Variants in PGS1 observed in about 807,000 individuals in gnomAD.
PGS1 encodes phosphatidylglycerophosphate synthase 1.
In PGS1, 44 loss-of-function variants were observed where a neutral mutation model predicts 58.3. The observed-to-expected ratio is 0.75, with a 90% CI of 0.59 to 0.97. The LOEUF (loss-of-function observed/expected upper bound fraction) is 0.97, where lower values mean the gene tolerates loss of function less well. PGS1 is among the 50% of genes least tolerant of loss of function. The pLI is 0.00. For missense variants in PGS1, 684 were observed against 731.1 expected, an observed-to-expected ratio of 0.94 and a Z score of 0.74; for synonymous variants, 330 against 311.0, an observed-to-expected ratio of 1.06 and a Z score of -0.64.
chr17:78,421,012 G>A (rs551482083), intron 9 of PGS1: 1 of 152,182 alleles, frequency 6.6e-6, no homozygotes, highest in African/African-American at 2.4e-5. Context: ...TAATTTTTTC[G>A]ATTATTTGAC....
intron 9 of PGS1, chr17:78,420,305 G>A: frequency 5.9e-6 from 5 of 842,356 alleles, no homozygotes; most frequent in Non-Finnish European, 7.2e-6. Flanking sequence ...GCACCAGTGG[G>A]GTCCCACAGT....
intron 7 of PGS1, among the ~76,000 whole-genome samples, chr17:78,409,122 G>C (rs1446317351): frequency 6.6e-6 from 1 of 152,240 alleles, no homozygotes; most frequent in Non-Finnish European, 1.5e-5. Context: ...CTGCTCCATG[G>C]AGGTGAGGGA....
chr17:78,416,642 C>A (rs1002418711), intron 8 of PGS1, among the ~76,000 whole-genome samples: 3 of 152,206 alleles, frequency 2.0e-5, no homozygotes, highest in African/African-American at 7.2e-5. Flanking sequence ...GGGATATTTT[C>A]TTTTTCTTCC....
At chr17:78,384,842 G>A (rs2082266679) in intron 1 of PGS1, among the ~76,000 whole-genome samples, 1 of 152,244 alleles carries the variant, frequency 6.6e-6, no homozygotes, top group Non-Finnish European at 1.5e-5. Flanking sequence ...GGGGAAACAC[G>A]TGTTCTCTGA....
At chr17:78,402,728 T>A (rs894840038) in intron 6 of PGS1, among the ~76,000 whole-genome samples, 5 of 152,216 alleles carry the variant, frequency 3.3e-5, no homozygotes, top group Admixed American at 2.6e-4. Context: ...GCTGGGATTA[T>A]AGGCGTGAGC....
chr17:78,402,781 A>G (rs1031807649), intron 6 of PGS1, among the ~76,000 whole-genome samples: 1 of 152,034 alleles, frequency 6.6e-6, no homozygotes, highest in South Asian at 2.1e-4. Flanking sequence ...TTGCTTCCCT[A>G]TACTGTATTC....
chr17:78,418,008 T>C lies in PGS1; in HGVS notation c.1552-1538T>C, dbSNP rs1276540597. ...GCAGTGGCACGATCTCGGCTCACTG[T>C]AACCTCTGCCTCCCGGGTTCAAGCG... is the stretch of plus-strand genomic sequence containing the variant. On this transcript the variant is annotated intron_variant, in intron 8 of 9. Coordinates refer to ENST00000262764, the MANE Select transcript of PGS1 (RefSeq NM_024419.5). Among the ~76,000 whole-genome samples the C allele has an allele frequency of 1.1e-4, 17 of 150,170 alleles. No homozygotes were observed. The South Asian group carries it at 2.3e-3, about 21-fold the overall frequency.
Position 78,398,321 on chromosome 17 carries a change from A to G in PGS1, c.481A>G (p.Ile161Val), listed in dbSNP as rs756730073. The change falls in exon 4 of 10, where the codon ATT becomes GTT. Residue 161 changes from isoleucine (I) to valine (V), a missense_variant. Coordinates refer to ENST00000262764, the MANE Select transcript of PGS1 (RefSeq NM_024419.5). ...AKFPSNLKVS[I>V]LLDFTRGSRG... ...GTTTCCTTCAAATCTCAAGGTCTCC[A>G]TTCTCTTAGACTTCACGCGGGGCTC... 24 of 1,613,912 alleles carry G rather than the reference A, an allele frequency of 1.5e-5. No individual in the cohort carries two copies. The highest frequency in any genetic ancestry group is 2.0e-5 in the Non-Finnish European group (24 of 1,179,912).
intron 1 of PGS1, among the ~76,000 whole-genome samples, chr17:78,385,192 C>T (rs933096485): frequency 6.6e-6 from 1 of 152,216 alleles, no homozygotes; most frequent in African/African-American, 2.4e-5. Flanking sequence ...AATCTCGGCT[C>T]ACTGCAACCT....
At chr17:78,417,068 C>G (rs1288736958) in intron 8 of PGS1, among the ~76,000 whole-genome samples, 2 of 152,176 alleles carry the variant, frequency 1.3e-5, no homozygotes, top group Non-Finnish European at 2.9e-5. Flanking sequence ...TTAGTACATA[C>G]AATAAACACT....
At chr17:78,403,397 C>T (rs1337968512) in intron 6 of PGS1, among the ~76,000 whole-genome samples, 171 bp from the exon 7 acceptor site, 1 of 152,138 alleles carries the variant, frequency 6.6e-6, no homozygotes, top group Non-Finnish European at 1.5e-5. Flanking sequence ...AAACTATATC[C>T]CCAGAGGAGC....
intron 8 of PGS1, among the ~76,000 whole-genome samples, chr17:78,415,824 A>G (rs1365259756): frequency 3.3e-5 from 5 of 152,176 alleles, no homozygotes; most frequent in Non-Finnish European, 5.9e-5. Context: ...TGAGACCTCG[A>G]TGGTGCCTTG....
At chr17:78,413,650 C>T (rs1376062093) in intron 7 of PGS1, among the ~76,000 whole-genome samples, 6 of 152,200 alleles carry the variant, frequency 3.9e-5, no homozygotes, top group East Asian at 3.8e-4. Context: ...AAGGGCAGCA[C>T]GGAGAGAAGT....
intron 1 of PGS1, among the ~76,000 whole-genome samples, chr17:78,385,245 A>G (rs1306528295): frequency 6.6e-6 from 1 of 151,620 alleles, no homozygotes; most frequent in African/African-American, 2.4e-5. Flanking sequence ...CAACCTCCCA[A>G]GTAGCTGGGA....
At chr17:78,410,580 T>C (rs1031374622) in intron 7 of PGS1, among the ~76,000 whole-genome samples, 4 of 147,500 alleles carry the variant, frequency 2.7e-5, no homozygotes, top group Non-Finnish European at 6.0e-5. Flanking sequence ...TTTAAGCCAT[T>C]CTTCTGCTTC....
intron 1 of PGS1, among the ~76,000 whole-genome samples, chr17:78,384,577 CTG>C (rs1358967736): frequency 6.6e-6 from 1 of 152,166 alleles, no homozygotes; most frequent in Non-Finnish European, 1.5e-5. Flanking sequence ...GCCACAGAGT[CTG>C]TACCGTGAAT....
chr17:78,413,312 G>A (rs1411737032), intron 7 of PGS1, among the ~76,000 whole-genome samples: 1 of 152,210 alleles, frequency 6.6e-6, no homozygotes, highest in African/African-American at 2.4e-5. Flanking sequence ...GTTACATACT[G>A]TGTTGACTCG....
chr17:78,390,475 G>T (rs1481394159), intron 1 of PGS1, among the ~76,000 whole-genome samples: 1 of 152,330 alleles, frequency 6.6e-6, no homozygotes, highest in Non-Finnish European at 1.5e-5. Context: ...TTTCTGGGAA[G>T]TGCAGCTGTG....
At chr17:78,422,722 A>G (rs1568019819) in intron 9 of PGS1, among the ~76,000 whole-genome samples, 1 of 150,646 alleles carries the variant, frequency 6.6e-6, no homozygotes, top group East Asian at 1.9e-4. Flanking sequence ...CTGGTCTTAA[A>G]CTCCTGGGCT....
Sources: gnomAD v4.1 joint callset for allele counts (sites outside exome capture counted in the v4.1 genomes callset) on GRCh38, gnomAD v4.1.1 for gene constraint, MANE v1.5 for transcripts, NCBI Gene and HGNC (gene_info 2026-07-23, HGNC 2026-07-21) for gene names.